PAICS: variants seen among roughly 807,000 people sequenced by gnomAD.
PAICS encodes phosphoribosylaminoimidazole carboxylase and phosphoribosylaminoimidazolesuccinocarboxamide synthase.
A neutral mutation model predicts 53.7 loss-of-function variants in PAICS; 33 were observed. The ratio of observed to expected loss-of-function variants is 0.61; its 90% CI spans 0.47 to 0.82. PAICS has a LOEUF of 0.82. Ranked by LOEUF, PAICS falls within the 40% of genes least tolerant of loss-of-function variation. The pLI is 0.00. For synonymous variants in PAICS, 141 were observed against 167.2 expected, an observed-to-expected ratio of 0.84 and a Z score of 1.21; for missense variants, 394 against 494.1, an observed-to-expected ratio of 0.80 and a Z score of 1.92.
At chr4:56,435,780 C>G, upstream of PAICS, 1 of 1,506,854 alleles carries the variant, frequency 6.6e-7, no homozygotes, top group Non-Finnish European at 8.9e-7. Flanking sequence ...GCCTGGAAAG[C>G]TGTATTTGCT....
At chr4:56,417,148 C>T in the PAICS span, among the ~76,000 whole-genome samples, 11 of 152,100 alleles carry the variant, frequency 7.2e-5, no homozygotes, top group South Asian at 6.2e-4. Context: ...TGCACCCGGC[C>T]GCTTCTAATT....
At chr4:56,457,088 G>A (rs905055095) in intron 8 of PAICS, among the ~76,000 whole-genome samples, 3 of 152,210 alleles carry the variant, frequency 2.0e-5, no homozygotes, top group East Asian at 3.9e-4. Flanking sequence ...TGTGCCTGGC[G>A]TCCCCTAGTT....
chr4:56,431,636 G>A, upstream of PAICS: 1 of 394,250 alleles, frequency 2.5e-6, no homozygotes, highest in Non-Finnish European at 3.5e-6. Context: ...TTCATTGAAT[G>A]GAAGGGCATG....
chr4:56,439,003 A>G (rs1395216322), intron 1 of PAICS, among the ~76,000 whole-genome samples: 1 of 152,080 alleles, frequency 6.6e-6, no homozygotes, highest in East Asian at 1.9e-4. Flanking sequence ...ATCTTTCCAG[A>G]ATTCATCTAC....
chr4:56,447,435 G>T (rs1388838816), intron 3 of PAICS, among the ~76,000 whole-genome samples: 1 of 152,068 alleles, frequency 6.6e-6, no homozygotes, highest in African/African-American at 2.4e-5. Flanking sequence ...GGACACTGCT[G>T]AGAATAAAAT....
At position 56,453,759 on chromosome 4, in the gene PAICS, G is replaced by C; in HGVS notation, c.1109G>C (p.Ser370Thr). Residue 370 changes from serine to threonine, a missense_variant and splice_region_variant, in exon 8 of 9, where the codon AGT (serine) becomes ACT (threonine). Ser to Thr is a moderately conservative substitution (Grantham distance 58). This residue lies in a region of PAICS where 95 missense variants were observed against 89.3 expected (regional missense o/e 1.06). Coordinates refer to ENST00000512576, the MANE Select transcript of PAICS (RefSeq NM_001079524.2). Reference sequence around the variant, plus strand: ...GTGTGGTCTTCTCTTCGACTACCCAGTGGTAAGATACATTGAATTTTTAAA... The same window carrying C: ...GTGTGGTCTTCTCTTCGACTACCCACTGGTAAGATACATTGAATTTTTAAA... ...QDVWSSLRLPSGLGCSTVLSP... is the reference protein window; with the variant it reads ...QDVWSSLRLPTGLGCSTVLSP... 1 of 1,538,532 alleles carries C rather than the reference G, an allele frequency of 6.5e-7. No individual in the cohort carries two copies. The highest frequency in any genetic ancestry group is 8.8e-7 in the Non-Finnish European group (1 of 1,136,224).
At chr4:56,438,653 G>A (rs1235654039) in intron 1 of PAICS, among the ~76,000 whole-genome samples, 1 of 151,714 alleles carries the variant, frequency 6.6e-6, no homozygotes, top group Non-Finnish European at 1.5e-5. Context: ...TGGCCAAGCT[G>A]GTCTCAAACT....
upstream of PAICS, chr4:56,435,245 G>T: frequency 6.6e-7 from 1 of 1,525,546 alleles, no homozygotes; most frequent in South Asian, 1.2e-5. Context: ...AGGTCGGAGA[G>T]GTCGGTCCTC....
At chr4:56,452,083 T>G in intron 7 of PAICS, 31 bp downstream of exon 7, 1 of 1,423,838 alleles carries the variant, frequency 7.0e-7, no homozygotes, top group Non-Finnish European at 9.6e-7. Context: ...ACATTTCAGG[T>G]ATTTCTGATT....
rs147298830 is a variant in PAICS, at chr4:56,462,079, C to T, written c.*2541C>T. 5.9e-5 allele frequency: 9 copies of T among 151,888 alleles called. 1 individual carries two copies. The highest frequency in any genetic ancestry group is 2.2e-4 in the African/African-American group (9 of 41,412). 9.4% of individuals were successfully genotyped at this position (151,888 alleles called of 1,614,324 possible). On this transcript the variant is annotated 3_prime_UTR_variant, in exon 9 of 9. Coordinates refer to ENST00000512576, the MANE Select transcript of PAICS (RefSeq NM_001079524.2). Reference sequence around the variant, plus strand: ...CTTATGTTTTAGAGGGGAAAACAAACCATAAAAAGGTAAACAGTATAAAAT... The same window carrying T: ...CTTATGTTTTAGAGGGGAAAACAAATCATAAAAAGGTAAACAGTATAAAAT...
At chr4:56,417,847 T>TTG in the PAICS span, among the ~76,000 whole-genome samples, 1 of 150,664 alleles carries the variant, frequency 6.6e-6, no homozygotes, top group Non-Finnish European at 1.5e-5. Context: ...TTTTTGTTTT[T>TTG]TTTTTTTTTT....
chr4:56,418,303 T>A, the PAICS span, among the ~76,000 whole-genome samples: 1 of 152,134 alleles, frequency 6.6e-6, no homozygotes, highest in Non-Finnish European at 1.5e-5. Context: ...CTTTCTTTTT[T>A]AAAAAACTTA....
chr4:56,440,739 T>G (rs1222477774), intron 1 of PAICS, among the ~76,000 whole-genome samples: 1 of 152,252 alleles, frequency 6.6e-6, no homozygotes, highest in Non-Finnish European at 1.5e-5. Flanking sequence ...GATGTCTTAT[T>G]TAATATCAGC....
At chr4:56,410,627 G>A in the PAICS span, 3 of 984,952 alleles carry the variant, frequency 3.0e-6, no homozygotes, top group Non-Finnish European at 3.6e-6. Flanking sequence ...AAGAAATAAA[G>A]GAATATTTAT....
chr4:56,438,694 C>T (rs960378161), intron 1 of PAICS, among the ~76,000 whole-genome samples: 1 of 152,072 alleles, frequency 6.6e-6, no homozygotes, highest in Non-Finnish European at 1.5e-5. Flanking sequence ...CTGTCTCAGC[C>T]TCCCAAAGTG....
At chr4:56,455,404 T>A (rs931905758) in intron 8 of PAICS, among the ~76,000 whole-genome samples, 4 of 152,194 alleles carry the variant, frequency 2.6e-5, no homozygotes, top group African/African-American at 9.6e-5. Context: ...CCCTCCAACC[T>A]GGTCCAGTGG....
chr4:56,449,832 C>T (rs4346704), intron 5 of PAICS, among the ~76,000 whole-genome samples: 23,978 of 149,952 alleles, frequency 0.16, 2,273 homozygotes, highest in Admixed American at 0.32. Context: ...AAAAATTAGC[C>T]AGGCATGGTG....
At chr4:56,456,400 G>T (rs1174995779) in intron 8 of PAICS, among the ~76,000 whole-genome samples, 1 of 151,900 alleles carries the variant, frequency 6.6e-6, no homozygotes, top group Non-Finnish European at 1.5e-5. Context: ...CCTTCATTTT[G>T]GATACAGGTG....
chr4:56,450,145 G>T (rs542156434), intron 5 of PAICS, among the ~76,000 whole-genome samples: 67 of 152,192 alleles, frequency 4.4e-4, no homozygotes, highest in African/African-American at 1.6e-3. Flanking sequence ...CACAGGGAGG[G>T]GAACAACACA....
Sources: allele counts gnomAD v4.1 joint callset (sites outside exome capture counted in the v4.1 genomes callset), GRCh38; gene constraint gnomAD v4.1.1; regional missense constraint gnomAD v4.1.1; transcripts MANE v1.5; gene names NCBI Gene and HGNC (gene_info 2026-07-23, HGNC 2026-07-21).